Variants in C12orf42 observed in about 807,000 individuals in gnomAD.
C12orf42 encodes uncharacterized protein C12orf42.
C12orf42 carries 25 observed loss-of-function variants against 21.6 expected under a neutral mutation model. The ratio of observed to expected loss-of-function variants is 1.16; its 90% CI spans 0.84 to 1.62. C12orf42 has a LOEUF of 1.62. Among genes scored for constraint, C12orf42 ranks in the 40% most tolerant of loss-of-function variants. The pLI is 0.00. For synonymous variants in C12orf42, 174 were observed against 175.0 expected, an observed-to-expected ratio of 0.99 and a Z score of 0.05; for missense variants, 483 against 459.3, an observed-to-expected ratio of 1.05 and a Z score of -0.47.
At chr12:103,189,984 T>TATATATATAC in the C12orf42 span, among the ~76,000 whole-genome samples, 48 of 151,324 alleles carry the variant, frequency 3.2e-4, no homozygotes, top group East Asian at 6.4e-3. Flanking sequence ...TATATATATA[T>TATATATATAC]ACACACACAC....
intron 3 of C12orf42, among the ~76,000 whole-genome samples, chr12:103,387,162 A>G (rs1005922187): frequency 2.0e-5 from 3 of 152,152 alleles, no homozygotes; most frequent in Admixed American, 1.3e-4. Context: ...GTCACCTACT[A>G]TCTTCCTTTC....
At chr12:103,091,221 CT>C in the C12orf42 span, among the ~76,000 whole-genome samples, 1 of 152,102 alleles carries the variant, frequency 6.6e-6, no homozygotes, top group Admixed American at 6.6e-5. Flanking sequence ...GATCAGCCCC[CT>C]ATTAGAGCTT....
At chr12:103,369,217 T>C (rs918971553) in intron 3 of C12orf42, among the ~76,000 whole-genome samples, 1 of 152,082 alleles carries the variant, frequency 6.6e-6, no homozygotes, top group Non-Finnish European at 1.5e-5. Flanking sequence ...AGAGGCTAAT[T>C]AACTTAATTA....
chr12:103,547,733 GA>G, the C12orf42 span: 15 of 152,240 alleles, frequency 9.9e-5, no homozygotes, highest in African/African-American at 3.4e-4. Context: ...TTTCAGTGTG[GA>G]ACTGAAGGTT....
At chr12:103,215,007 A>G in the C12orf42 span, among the ~76,000 whole-genome samples, 2 of 152,200 alleles carry the variant, frequency 1.3e-5, no homozygotes, top group Non-Finnish European at 2.9e-5. Flanking sequence ...AATATTCTCT[A>G]TATACCAAAG....
At chr12:103,560,768 C>T in the C12orf42 span, among the ~76,000 whole-genome samples, 2 of 152,308 alleles carry the variant, frequency 1.3e-5, no homozygotes, top group African/African-American at 4.8e-5. Flanking sequence ...CATGACTCAT[C>T]TTTATGGGGG....
At chr12:103,506,846 T>C in the C12orf42 span, among the ~76,000 whole-genome samples, 1 of 77,698 alleles carries the variant, frequency 1.3e-5, no homozygotes, top group African/African-American at 5.2e-5. Context: ...TATATATATA[T>C]ATATTTATAT....
the C12orf42 span, chr12:103,504,972 C>G: frequency 5.9e-6 from 1 of 169,612 alleles, no homozygotes; most frequent in African/African-American, 2.4e-5. Context: ...TCTCAAACCC[C>G]TTCCCAGAGA....
chr12:103,282,580 C>T (rs543738871), intron 4 of C12orf42, among the ~76,000 whole-genome samples: 109 of 152,260 alleles, frequency 7.2e-4, no homozygotes, highest in Admixed American at 1.5e-3. Flanking sequence ...TGTGTTAGTA[C>T]GCTCTGATGT....
At chr12:103,375,962 G>A (rs1447452531) in intron 3 of C12orf42, among the ~76,000 whole-genome samples, 2 of 152,156 alleles carry the variant, frequency 1.3e-5, no homozygotes, top group African/African-American at 4.8e-5. Flanking sequence ...CTTAAAATCT[G>A]AGACCAAAAT....
At chr12:103,180,604 A>T in the C12orf42 span, among the ~76,000 whole-genome samples, 1 of 147,172 alleles carries the variant, frequency 6.8e-6, no homozygotes, top group Non-Finnish European at 1.5e-5. Flanking sequence ...ATCTGCATTT[A>T]AAATAATTTC....
the C12orf42 span, among the ~76,000 whole-genome samples, chr12:103,073,615 T>C: frequency 6.6e-6 from 1 of 152,158 alleles, no homozygotes; most frequent in Non-Finnish European, 1.5e-5. Flanking sequence ...GGTCACGGTA[T>C]ATGACCCCTT....
downstream of C12orf42, among the ~76,000 whole-genome samples, chr12:103,237,352 T>G (rs570042654): frequency 6.6e-6 from 1 of 152,156 alleles, no homozygotes; most frequent in South Asian, 2.1e-4. Flanking sequence ...ACAGACAATA[T>G]TGGCACAGTG....
chr12:103,324,503 TG>T (rs2040488426), intron 4 of C12orf42, among the ~76,000 whole-genome samples: 1 of 152,206 alleles, frequency 6.6e-6, no homozygotes, highest in Admixed American at 6.5e-5. Context: ...AATGAATGCT[TG>T]CAGCTGCAAC....
chr12:103,163,218 G>A, the C12orf42 span, among the ~76,000 whole-genome samples: 1 of 152,174 alleles, frequency 6.6e-6, no homozygotes, highest in Non-Finnish European at 1.5e-5. Context: ...TGGGCTTCAA[G>A]GAACTGATCT....
At chr12:103,132,479 T>C in the C12orf42 span, among the ~76,000 whole-genome samples, 1 of 152,024 alleles carries the variant, frequency 6.6e-6, no homozygotes, top group African/African-American at 2.4e-5. Flanking sequence ...CTCAAGACAA[T>C]GTGAAGACAT....
chr12:103,109,273 T>C, the C12orf42 span, among the ~76,000 whole-genome samples: 4 of 152,092 alleles, frequency 2.6e-5, no homozygotes, highest in Non-Finnish European at 5.9e-5. Flanking sequence ...ACTAGAGAAC[T>C]TGGAAACAAA....
the C12orf42 span, among the ~76,000 whole-genome samples, chr12:103,223,963 C>T: frequency 7.4e-4 from 112 of 152,302 alleles, 1 homozygote; most frequent in African/African-American, 2.6e-3. Flanking sequence ...TCACTGAATA[C>T]TAAGAGCCTG....
At chr12:103,224,755 T>C in the C12orf42 span, among the ~76,000 whole-genome samples, 700 of 152,180 alleles carry the variant, frequency 4.6e-3, 3 homozygotes, top group Non-Finnish European at 7.4e-3. Context: ...ATTAAAGCAG[T>C]GGCAGCCACT....
Sources: allele counts gnomAD v4.1 joint callset (sites outside exome capture counted in the v4.1 genomes callset), GRCh38; gene constraint gnomAD v4.1.1; transcripts MANE v1.5; gene names NCBI Gene and HGNC (gene_info 2026-07-23, HGNC 2026-07-21).